CTNND2: variants seen among roughly 807,000 people sequenced by gnomAD.
The protein encoded by CTNND2 is catenin delta-2.
A neutral mutation model predicts 144.4 loss-of-function variants in CTNND2; 22 were observed. That is an observed-to-expected ratio of 0.15 (90% CI 0.11 to 0.22). CTNND2 has a LOEUF of 0.22. Ranked by LOEUF, CTNND2 falls within the 10% of genes least tolerant of loss-of-function variation. The pLI is 1.00. For synonymous variants in CTNND2, 751 were observed against 695.6 expected, an observed-to-expected ratio of 1.08 and a Z score of -1.25; for missense variants, 1,353 against 1,618.8, an observed-to-expected ratio of 0.84 and a Z score of 2.82.
chr5:11,807,428 G>C (rs1479174625), intron 1 of CTNND2, among the ~76,000 whole-genome samples: 1 of 152,082 alleles, frequency 6.6e-6, no homozygotes, highest in Non-Finnish European at 1.5e-5. Flanking sequence ...GTGTTGATTA[G>C]GTTTTTAACT....
chr5:11,397,899 G>A (rs1013355805), intron 5 of CTNND2, among the ~76,000 whole-genome samples: 1 of 152,126 alleles, frequency 6.6e-6, no homozygotes, highest in Non-Finnish European at 1.5e-5. Context: ...TTAATTATAC[G>A]TTGCATATGA....
At chr5:11,744,188 T>C (rs79691175) in intron 1 of CTNND2, among the ~76,000 whole-genome samples, 2,227 of 152,290 alleles carry the variant, frequency 0.015, 44 homozygotes, top group African/African-American at 0.051. Context: ...TTAACAAGCA[T>C]TACACTAACA....
chr5:10,984,889 C>T (rs1264101185), intron 20 of CTNND2, among the ~76,000 whole-genome samples: 1 of 151,876 alleles, frequency 6.6e-6, no homozygotes, highest in African/African-American at 2.4e-5. Flanking sequence ...GCCTGGCCAA[C>T]ATGGTTAAAC....
chr5:11,884,370 G>C (rs1347798836), intron 1 of CTNND2, among the ~76,000 whole-genome samples: 1 of 152,086 alleles, frequency 6.6e-6, no homozygotes, highest in Non-Finnish European at 1.5e-5. Flanking sequence ...ACAAGGAAGG[G>C]GTCCAGTTTC....
chr5:11,806,437 C>T (rs1474833874), intron 1 of CTNND2, among the ~76,000 whole-genome samples: 1 of 152,116 alleles, frequency 6.6e-6, no homozygotes, highest in African/African-American at 2.4e-5. Context: ...CAGAATACTA[C>T]AAGAACTTTA....
chr5:11,450,912 A>AAC (rs1765257864), intron 3 of CTNND2, among the ~76,000 whole-genome samples: 1 of 151,268 alleles, frequency 6.6e-6, no homozygotes, highest in Non-Finnish European at 1.5e-5. Context: ...AAAAAAAAAA[A>AAC]AAAAAAAAAA....
chr5:11,211,302 G>T (rs1738604563), intron 10 of CTNND2, among the ~76,000 whole-genome samples: 1 of 151,942 alleles, frequency 6.6e-6, no homozygotes, highest in African/African-American at 2.4e-5. Flanking sequence ...GAGGTTGCAG[G>T]GCCCTGGGTT....
At position 11,583,548 on chromosome 5, in the gene CTNND2, C is replaced by T. The variant is rs1036169681; in HGVS notation, c.175-18492G>A. On this transcript the variant is annotated intron_variant, in intron 2 of 21. Coordinates refer to ENST00000304623, the MANE Select transcript of CTNND2 (RefSeq NM_001332.4). ...ACCATGTAATGGAATAATTACTTAG[C>T]GTAAATTTTCACATCAATCATACTG... Among the ~76,000 whole-genome samples the T allele has an allele frequency of 3.3e-5, 5 of 152,082 alleles. No individual in the cohort carries two copies. In the East Asian group the frequency reaches 5.8e-4, roughly 18 times the overall value.
intron 2 of CTNND2, among the ~76,000 whole-genome samples, chr5:11,588,375 T>A (rs528829805): frequency 6.6e-6 from 1 of 152,232 alleles, no homozygotes; most frequent in East Asian, 1.9e-4. Context: ...CACAGAATTG[T>A]ATGTGATTAC....
At chr5:11,796,912 G>A (rs1791434956) in intron 1 of CTNND2, among the ~76,000 whole-genome samples, 1 of 152,178 alleles carries the variant, frequency 6.6e-6, no homozygotes, top group Non-Finnish European at 1.5e-5. Context: ...AAATTATCAA[G>A]GAATAGTATG....
rs544679072 is a variant in CTNND2, at chr5:11,770,389, G to A, written c.38-38117C>T. 2.0e-4 allele frequency among the ~76,000 whole-genome samples: 25 copies of A among 125,724 alleles called. No individual in the cohort carries two copies. The South Asian group carries it at 2.9e-3, about 15-fold the overall frequency. The allele number at this position is 125,724 out of a possible 152,430, so 82.5% of individuals were successfully genotyped here. On this transcript the variant is annotated intron_variant, in intron 1 of 21. Transcript: ENST00000304623. ...CTACTGAAGATTCAGATTGTTACACGTGGTATTAAAACAGAAAAAAAGGAA... is the reference window on the plus strand; with the variant it reads ...CTACTGAAGATTCAGATTGTTACACATGGTATTAAAACAGAAAAAAAGGAA...
At chr5:11,289,839 T>C (rs1020629609) in intron 9 of CTNND2, among the ~76,000 whole-genome samples, 1 of 152,134 alleles carries the variant, frequency 6.6e-6, no homozygotes, top group Non-Finnish European at 1.5e-5. Flanking sequence ...CAGAGATAAA[T>C]GCAGATCATT....
chr5:11,246,683 G>A (rs1441538554), intron 9 of CTNND2, among the ~76,000 whole-genome samples: 1 of 136,710 alleles, frequency 7.3e-6, no homozygotes, highest in Non-Finnish European at 1.5e-5. Flanking sequence ...GTAAAGCCAA[G>A]TAGAGACAGG....
rs191632551 is a variant in CTNND2, at chr5:11,304,287, T to A, written c.1628+42085A>T. ...TTTCATTATTTTTTATTTGGCCTTT[T>A]GTATACATAAATGCATTACACACGG... On this transcript the variant is annotated intron_variant, in intron 9 of 21. Coordinates refer to ENST00000304623, the MANE Select transcript of CTNND2 (RefSeq NM_001332.4). 2.6e-5 allele frequency among the ~76,000 whole-genome samples: 4 copies of A among 152,064 alleles called. No homozygotes were observed. In the East Asian group the frequency reaches 7.7e-4, roughly 29 times the overall value.
intron 1 of CTNND2, among the ~76,000 whole-genome samples, chr5:11,793,325 T>C (rs923552948): frequency 2.6e-5 from 4 of 152,204 alleles, no homozygotes; most frequent in African/African-American, 4.8e-5. Context: ...CCTGGATTCA[T>C]CCTTGATGCC....
At chr5:11,733,338 T>TA (rs1787501353) in intron 1 of CTNND2, among the ~76,000 whole-genome samples, 1 of 152,060 alleles carries the variant, frequency 6.6e-6, no homozygotes, top group Non-Finnish European at 1.5e-5. Context: ...GTCGGACTGA[T>TA]AGAGTAGATA....
chr5:11,364,910 G>T lies in CTNND2; in HGVS notation c.1178-20C>A, dbSNP rs1462832800. 36 of 1,598,146 alleles carry T rather than the reference G, an allele frequency of 2.3e-5. No individual in the cohort carries two copies. The highest frequency in any genetic ancestry group is 3.1e-5 in the Non-Finnish European group (36 of 1,172,714). On this transcript the variant is annotated intron_variant, in intron 7 of 21. Coordinates refer to ENST00000304623, the MANE Select transcript of CTNND2 (RefSeq NM_001332.4). ...AACCAGCTGAAATAAATCAACAGAG[G>T]GACATCAAAGCTCAGGCGACCTCCA...
At chr5:11,693,043 T>C (rs1649752622) in intron 2 of CTNND2, among the ~76,000 whole-genome samples, 1 of 152,246 alleles carries the variant, frequency 6.6e-6, no homozygotes. Flanking sequence ...TCAATTTTCA[T>C]ATATTATACA....
chr5:11,078,270 C>G (rs1382146816), intron 16 of CTNND2, among the ~76,000 whole-genome samples: 1 of 152,232 alleles, frequency 6.6e-6, no homozygotes, highest in African/African-American at 2.4e-5. Context: ...ACAAAAACCA[C>G]TTGGGTACAG....
Sources: gnomAD v4.1 joint callset for allele counts (sites outside exome capture counted in the v4.1 genomes callset) on GRCh38, gnomAD v4.1.1 for gene constraint, MANE v1.5 for transcripts, NCBI Gene and HGNC (gene_info 2026-07-23, HGNC 2026-07-21) for gene names.